Variants in GIMAP1 observed in about 807,000 individuals in gnomAD.
GIMAP1 encodes GTPase IMAP family member 1.
For synonymous variants in GIMAP1, 230 were observed against 187.7 expected (o/e 1.23, Z -1.84); for missense variants, 423 against 411.9 (o/e 1.03, Z -0.23).
intron 2 of GIMAP1, among the ~76,000 whole-genome samples, 196 bp from the exon 3 acceptor site, chr7:150,719,852 T>C (rs987772864): frequency 2.6e-5 from 4 of 152,226 alleles, no homozygotes; most frequent in African/African-American, 9.7e-5. Flanking sequence ...TAAAGAAGCA[T>C]TTCTATGATA....
chr7:150,718,013 CACA>C (rs1474102767), intron 1 of GIMAP1, among the ~76,000 whole-genome samples: 1 of 152,130 alleles, frequency 6.6e-6, no homozygotes, highest in Non-Finnish European at 1.5e-5. Flanking sequence ...GGGTGCAAGA[CACA>C]ACAAGTTTGA....
At position 150,719,027 on chromosome 7, in the gene GIMAP1, T is replaced by G; in HGVS notation, c.-6-15T>G. ...AAATAAATGAATTAACAAATTGTGTTTGGGACTCTTCCAGGTAAGCATGGG... is the reference window on the plus strand; with the variant it reads ...AAATAAATGAATTAACAAATTGTGTGTGGGACTCTTCCAGGTAAGCATGGG... On this transcript the variant is annotated splice_polypyrimidine_tract_variant and intron_variant, in intron 1 of 2. Coordinates refer to ENST00000307194, the MANE Select transcript of GIMAP1 (RefSeq NM_130759.4). The G allele has an allele frequency of 6.2e-7, 1 of 1,614,180 alleles. No homozygotes were observed. Among genetic ancestry groups the G allele is most frequent in the South Asian group, 1.1e-5 (1 of 91,078 alleles).
chr7:150,724,116 A>T lies in GIMAP1; in HGVS notation c.*3191A>T, dbSNP rs1272516275. The T allele has an allele frequency of 6.6e-6, 1 of 152,136 alleles. No individual in the cohort carries two copies. 9.4% of individuals were successfully genotyped at this position (152,136 alleles called of 1,614,324 possible). A position where few individuals can be genotyped will look rare whatever the true frequency, so the allele number is the denominator to read the frequency against. On this transcript the variant is annotated 3_prime_UTR_variant, in exon 3 of 3. Transcript: ENST00000307194. ...TCACCTATGGATTCAGTACCCCAGA[A>T]GAGAATTTCTGTAAATTCTTGGGGA...
Position 150,719,046 on chromosome 7 carries a change from G to A in GIMAP1, c.-2G>A, listed in dbSNP as rs1797255629. ...TTGTGTTTGGGACTCTTCCAGGTAA[G>A]CATGGGAGGAAGGAAGATGGCGACA... On this transcript the variant is annotated 5_prime_UTR_variant, in exon 2 of 3. Coordinates refer to ENST00000307194, the MANE Select transcript of GIMAP1 (RefSeq NM_130759.4). 1.2e-6 allele frequency: 2 copies of A among 1,614,202 alleles called. No individual in the cohort carries two copies. The highest frequency in any genetic ancestry group is 4.5e-5 in the East Asian group (2 of 44,886).
intron 1 of GIMAP1, among the ~76,000 whole-genome samples, 198 bp downstream of exon 1, chr7:150,716,888 C>A (rs1473404088): frequency 6.6e-6 from 1 of 152,054 alleles, no homozygotes; most frequent in Non-Finnish European, 1.5e-5. Context: ...ATCATCTTCT[C>A]CAGCTCTGGA....
chr7:150,720,588 G>C lies in GIMAP1; in HGVS notation c.584G>C (p.Arg195Pro). 1.2e-6 allele frequency: 2 copies of C among 1,613,804 alleles called. No homozygotes were observed. Among genetic ancestry groups the C allele is most frequent in the Non-Finnish European group, 1.7e-6 (2 of 1,179,840 alleles). The stretch of plus-strand genomic sequence containing the variant: ...GCCTTTGATAACCGGGCCACCGGCC[G>C]GGAGCAGGAAGCCCAGGTGGAGCAG... The part of the protein sequence containing the change: ...VCAFDNRATG[R>P]EQEAQVEQLL... The change falls in exon 3 of 3, where the codon CGG becomes CCG. Residue 195 changes from arginine to proline, a missense_variant. Transcript: ENST00000307194. This position sits in a 1 kb window ranked among gnomAD's most constrained non-coding sequence, Gnocchi z 4.5.
rs150494282 is a variant in GIMAP1, at chr7:150,720,451, C to T, written c.447C>T (p.Ile149=). Residue 149 remains isoleucine, a synonymous_variant, in exon 3 of 3, where the codon ATC becomes ATT. Coordinates refer to ENST00000307194, the MANE Select transcript of GIMAP1 (RefSeq NM_130759.4). This position sits in a 1 kb window ranked among gnomAD's most constrained non-coding sequence, Gnocchi z 4.5. ...AGGACGTCCTAAAATGGATGGTCAT[C>T]GTCTTCACCAGGAAGGAGGACCTGG... The part of the protein sequence containing the change: ...FGEDVLKWMV[I]VFTRKEDLAG... The T allele has an allele frequency of 5.0e-4, 792 of 1,571,496 alleles. 5 individuals carry two copies. The highest frequency in any genetic ancestry group is 5.1e-4 in the Middle Eastern group (3 of 5,844).
rs1336287999 is a variant in GIMAP1 at position 150,723,861 on chromosome 7, G to A, written c.*2936G>A. 2 of 152,046 alleles carry A rather than the reference G, an allele frequency of 1.3e-5. No homozygotes were observed. Among genetic ancestry groups the A allele is most frequent in the Non-Finnish European group, 2.9e-5 (2 of 68,024 alleles). The allele number at this position is 152,046 out of a possible 1,614,324, so 9.4% of individuals were successfully genotyped here. ...TGGAAGATAAAAATGTATGGGTCCT[G>A]TGCTGATAATGTTTCTGTTCATATT... On this transcript the variant is annotated 3_prime_UTR_variant, in exon 3 of 3. Coordinates refer to ENST00000307194, the MANE Select transcript of GIMAP1 (RefSeq NM_130759.4).
Position 150,719,035 on chromosome 7 carries a change from C to G in GIMAP1, c.-6-7C>G. 1 of 1,614,130 alleles carries G rather than the reference C, an allele frequency of 6.2e-7. No individual in the cohort carries two copies. Among genetic ancestry groups the G allele is most frequent in the Non-Finnish European group, 8.5e-7 (1 of 1,180,028 alleles). On this transcript the variant is annotated splice_polypyrimidine_tract_variant and splice_region_variant and intron_variant, in intron 1 of 2. Transcript: ENST00000307194. ...GAATTAACAAATTGTGTTTGGGACT[C>G]TTCCAGGTAAGCATGGGAGGAAGGA...
rs1797302984 is a variant in GIMAP1 at position 150,721,535 on chromosome 7, G to A, written c.*610G>A. 1 of 152,242 alleles carries A rather than the reference G, an allele frequency of 6.6e-6. No homozygotes were observed. The allele number at this position is 152,242 out of a possible 1,614,324, so 9.4% of individuals were successfully genotyped here. The stretch of plus-strand genomic sequence containing the variant: ...CATTCCAAAATGAAGTAAGGGCCGG[G>A]CGAGGTGGCTCACGCCTGTAATCCC... On this transcript the variant is annotated 3_prime_UTR_variant, in exon 3 of 3. Coordinates refer to ENST00000307194, the MANE Select transcript of GIMAP1 (RefSeq NM_130759.4).
At chr7:150,718,871 A>G (rs1797253185) in intron 1 of GIMAP1, among the ~76,000 whole-genome samples, 171 bp from the exon 2 acceptor site, 1 of 152,182 alleles carries the variant, frequency 6.6e-6, no homozygotes, top group Admixed American at 6.5e-5. Context: ...CTGCCAAGAC[A>G]TACACCTAGA....
intron 1 of GIMAP1, among the ~76,000 whole-genome samples, chr7:150,717,874 A>G (rs1585219553): frequency 3.3e-5 from 5 of 152,328 alleles, no homozygotes; most frequent in African/African-American, 1.2e-4. Context: ...AAACAGCTCT[A>G]GATTTAATAT....
In GIMAP1 at chr7:150,723,202, T is replaced by C. The variant is rs995558164; in HGVS notation, c.*2277T>C. On this transcript the variant is annotated 3_prime_UTR_variant, in exon 3 of 3. Transcript: ENST00000307194. Reference sequence around the variant, plus strand: ...TTCTTTAGTGGTTTTCTTTTTCAGATACTTTGATTATGATCTTTTTTTTTT... The same window carrying C: ...TTCTTTAGTGGTTTTCTTTTTCAGACACTTTGATTATGATCTTTTTTTTTT... 1 of 152,252 alleles carries C rather than the reference T, an allele frequency of 6.6e-6. No individual in the cohort carries two copies. The highest frequency in any genetic ancestry group is 1.5e-5 in the Non-Finnish European group (1 of 68,040). 9.4% of individuals were successfully genotyped at this position (152,252 alleles called of 1,614,324 possible).
chr7:150,719,856 T>A (rs1327674864), intron 2 of GIMAP1, among the ~76,000 whole-genome samples, 192 bp from the exon 3 acceptor site: 1 of 152,236 alleles, frequency 6.6e-6, no homozygotes, highest in Admixed American at 6.5e-5. Context: ...GAAGCATTTC[T>A]ATGATAATCA....
Position 150,720,389 on chromosome 7 carries a change from C to T in GIMAP1, c.385C>T (p.Gln129Ter), listed in dbSNP as rs780369648. 2 of 1,595,730 alleles carry T rather than the reference C, an allele frequency of 1.3e-6. No individual in the cohort carries two copies. The highest frequency in any genetic ancestry group is 2.7e-5 in the African/African-American group (2 of 74,600). ...TQLGRFTAQD[Q>*]QAVRQVRDMF... ...GTTGGGTCGGTTCACCGCCCAGGAC[C>T]AGCAGGCGGTGAGGCAGGTGAGGGA... Residue 129 changes from glutamine to a stop codon, truncating the protein, a stop_gained, in exon 3 of 3, where the codon CAG (glutamine) becomes TAG (stop). Transcript: ENST00000307194. LOFTEE classifies it high-confidence loss of function. The surrounding 1 kb of genome is among the most constrained non-coding windows in gnomAD (Gnocchi z 4.5).
Position 150,720,997 on chromosome 7 carries a change from C to G in GIMAP1, c.*72C>G. 1 of 1,341,998 alleles carries G rather than the reference C, an allele frequency of 7.5e-7. No homozygotes were observed. The highest frequency in any genetic ancestry group is 9.8e-7 in the Non-Finnish European group (1 of 1,015,488). The allele number at this position is 1,341,998 out of a possible 1,614,324, so 83.1% of individuals were successfully genotyped here. The stretch of plus-strand genomic sequence containing the variant: ...ATTCTTGGAGCTGAAGGGAAAACTT[C>G]ATTCCAACGGAAGGAATCCTGTAGT... On this transcript the variant is annotated 3_prime_UTR_variant, in exon 3 of 3. Coordinates refer to ENST00000307194, the MANE Select transcript of GIMAP1 (RefSeq NM_130759.4). This position sits in a 1 kb window ranked among gnomAD's most constrained non-coding sequence, Gnocchi z 4.5.
chr7:150,720,616 G>C lies in GIMAP1; in HGVS notation c.612G>C (p.Leu204=). ...AGCAGGAAGCCCAGGTGGAGCAGCTGCTGGGGATGGTCGAGGGCTTGGTGC... is the reference window on the plus strand; with the variant it reads ...AGCAGGAAGCCCAGGTGGAGCAGCTCCTGGGGATGGTCGAGGGCTTGGTGC... The part of the protein sequence containing the change: ...GREQEAQVEQ[L]LGMVEGLVLE... The change falls in exon 3 of 3, where the codon CTG becomes CTC. Residue 204 remains leucine, a synonymous_variant. Transcript: ENST00000307194. The surrounding 1 kb of genome is among the most constrained non-coding windows in gnomAD (Gnocchi z 4.5). 1 of 1,613,562 alleles carries C rather than the reference G, an allele frequency of 6.2e-7. No homozygotes were observed. The highest frequency in any genetic ancestry group is 1.3e-5 in the African/African-American group (1 of 75,060).
At chr7:150,719,903 C>T (rs1328316345) in intron 2 of GIMAP1, 145 bp from the exon 3 acceptor site, 3 of 1,146,842 alleles carry the variant, frequency 2.6e-6, no homozygotes. Context: ...AGGCAGACAA[C>T]CCAAATACAA....
At position 150,720,540 on chromosome 7, in the gene GIMAP1, C is replaced by A; in HGVS notation, c.536C>A (p.Ala179Asp). 1 of 1,609,712 alleles carries A rather than the reference C, an allele frequency of 6.2e-7. No individual in the cohort carries two copies. Residue 179 changes from alanine (A) to aspartate (D), a missense_variant, in exon 3 of 3, where the codon GCC (alanine) becomes GAC (aspartate). By Grantham distance (126) the Ala-to-Asp change is moderately radical (BLOSUM62 -2). Transcript: ENST00000307194. This position sits in a 1 kb window ranked among gnomAD's most constrained non-coding sequence, Gnocchi z 4.5. ...AACCGGGCCTTGCGCGAGCTGGTGG[C>A]CGAGTGCGGGGGCCGGGTCTGTGCC... ...TENRALRELVAECGGRVCAFD... is the reference protein window; with the variant it reads ...TENRALRELVDECGGRVCAFD...
Sources: allele counts gnomAD v4.1 joint callset (sites outside exome capture counted in the v4.1 genomes callset), GRCh38; gene constraint gnomAD v4.1.1; non-coding constraint Gnocchi (gnomAD v3.1); transcripts MANE v1.5; gene names NCBI Gene and HGNC (gene_info 2026-07-23, HGNC 2026-07-21).